The following PCDHA13 variants were observed in gnomAD, a reference collection of about 807,000 sequenced individuals.
The protein encoded by PCDHA13 is protocadherin alpha 13.
PCDHA13 carries 54 observed loss-of-function variants against 64.8 expected under a neutral mutation model. The ratio of observed to expected loss-of-function variants is 0.83; its 90% CI spans 0.67 to 1.04. The LOEUF (loss-of-function observed/expected upper bound fraction) is 1.04, where lower values mean the gene tolerates loss of function less well. Ranked by LOEUF, PCDHA13 falls within the 50% of genes least tolerant of loss-of-function variation. The pLI is 0.00. For missense variants in PCDHA13, 1,248 were observed against 1,254.3 expected (o/e 0.99, Z 0.08); for synonymous variants, 587 against 564.4 (o/e 1.04, Z -0.57).
chr5:140,980,933 C>G (rs1376814777), intron 2 of PCDHA13, among the ~76,000 whole-genome samples: 1 of 152,120 alleles, frequency 6.6e-6, no homozygotes, highest in African/African-American at 2.4e-5. Flanking sequence ...CTGCTTTGAG[C>G]TGAGCTGGCT....
chr5:140,916,210 A>G, intron 1 of PCDHA13, among the ~76,000 whole-genome samples: 1 of 152,210 alleles, frequency 6.6e-6, no homozygotes, highest in East Asian at 1.9e-4. Context: ...GCCCTGGGGA[A>G]GATCCAAATA....
At chr5:140,994,759 G>C (rs1193190612) in intron 3 of PCDHA13, among the ~76,000 whole-genome samples, 3 of 152,130 alleles carry the variant, frequency 2.0e-5, no homozygotes, top group African/African-American at 7.2e-5. Flanking sequence ...ATGTGGAGAG[G>C]AAGAGAATTC....
chr5:140,970,751 T>G (rs2096430046), intron 1 of PCDHA13, among the ~76,000 whole-genome samples: 1 of 152,232 alleles, frequency 6.6e-6, no homozygotes, highest in African/African-American at 2.4e-5. Flanking sequence ...GCAATATATT[T>G]TCATTGACAT....
At chr5:141,006,192 G>A (rs2098259902) in intron 3 of PCDHA13, among the ~76,000 whole-genome samples, 1 of 150,138 alleles carries the variant, frequency 6.7e-6, no homozygotes, top group African/African-American at 2.5e-5. Context: ...TTTGCTATAT[G>A]TATGTTATGC....
intron 1 of PCDHA13, among the ~76,000 whole-genome samples, chr5:140,949,916 A>G (rs1350647225): frequency 6.6e-6 from 1 of 150,834 alleles, no homozygotes; most frequent in African/African-American, 2.4e-5. Flanking sequence ...AGATATAACT[A>G]TTTTTAGATT....
chr5:140,973,606 G>A (rs1554235444), intron 1 of PCDHA13, among the ~76,000 whole-genome samples: 1 of 152,204 alleles, frequency 6.6e-6, no homozygotes, highest in African/African-American at 2.4e-5. Flanking sequence ...TTATGGCTGA[G>A]CTCTTCTCTG....
Position 141,010,653 on chromosome 5 carries a change from A to G in PCDHA13, c.*716A>G. On this transcript the variant is annotated 3_prime_UTR_variant, in exon 4 of 4. Transcript: ENST00000289272. ...TGCAAGCCAACAGTTCAGTGTTTTA[A>G]CAGAGAACCACCCTGGGAAACAGAA... 5.9e-6 allele frequency: 1 copy of G among 170,180 alleles called. No individual in the cohort carries two copies. The highest frequency in any genetic ancestry group is 1.3e-5 in the Non-Finnish European group (1 of 78,244). 10.5% of individuals were successfully genotyped at this position (170,180 alleles called of 1,614,324 possible). A position where few individuals can be genotyped will look rare whatever the true frequency, so the allele number is the denominator to read the frequency against.
chr5:140,978,175 G>A (rs1163383689), intron 1 of PCDHA13, among the ~76,000 whole-genome samples: 1 of 152,170 alleles, frequency 6.6e-6, no homozygotes, highest in Admixed American at 6.5e-5. Context: ...TTTGTAGAGA[G>A]AGGGCAACAG....
chr5:140,884,708 T>C, intron 1 of PCDHA13, 46 bp downstream of exon 1: 1 of 1,479,044 alleles, frequency 6.8e-7, no homozygotes, highest in Non-Finnish European at 9.0e-7. Flanking sequence ...ACTTTAGCCT[T>C]CCTTGCAGTT....
At chr5:140,994,248 G>A (rs188394827) in intron 3 of PCDHA13, among the ~76,000 whole-genome samples, 1 of 152,238 alleles carries the variant, frequency 6.6e-6, no homozygotes, top group East Asian at 1.9e-4. Flanking sequence ...TCAAACCCTA[G>A]GTAAATAAGG....
At chr5:140,917,324 C>CGG (rs1299895515) in intron 1 of PCDHA13, among the ~76,000 whole-genome samples, 73 of 76,040 alleles carry the variant, frequency 9.6e-4, no homozygotes, top group South Asian at 2.7e-3. Flanking sequence ...GTTCATGTGG[C>CGG]GGGGGAGGGG....
At chr5:140,992,023 G>C (rs1415968916) in intron 3 of PCDHA13, among the ~76,000 whole-genome samples, 2 of 148,226 alleles carry the variant, frequency 1.3e-5, no homozygotes, top group African/African-American at 4.9e-5. Flanking sequence ...GGCTCTGTGT[G>C]TGTGTGTGTG....
Position 140,969,604 on chromosome 5 carries a change from AAC to A in PCDHA13, c.2395-9341_2395-9340del. 5.2e-6 allele frequency: 4 copies of A among 765,156 alleles called. No homozygotes were observed. The South Asian group carries it at 6.3e-5, about 12-fold the overall frequency. 47.4% of individuals were successfully genotyped at this position (765,156 alleles called of 1,614,324 possible). A position where few individuals can be genotyped will look rare whatever the true frequency, so the allele number is the denominator to read the frequency against. On this transcript the variant is annotated intron_variant, in intron 1 of 3. Transcript: ENST00000289272. Reference sequence around the variant, plus strand: ...GATTAGTCTTAATATTTAATGCTAAAACACAGATTTGTAGAGAAACAGGACAG... The same window carrying A: ...GATTAGTCTTAATATTTAATGCTAAAACAGATTTGTAGAGAAACAGGACAG...
intron 1 of PCDHA13, among the ~76,000 whole-genome samples, chr5:140,935,104 A>G (rs1233919640): frequency 2.0e-5 from 3 of 152,126 alleles, no homozygotes; most frequent in Non-Finnish European, 4.4e-5. Context: ...GCCATTTTTC[A>G]AAGAGCTTTC....
At chr5:140,952,471 A>G (rs1324501616) in intron 1 of PCDHA13, among the ~76,000 whole-genome samples, 2 of 152,204 alleles carry the variant, frequency 1.3e-5, no homozygotes, top group African/African-American at 2.4e-5. Context: ...AAGCATAAGG[A>G]AAGTGACATT....
chr5:140,929,174 G>C, intron 1 of PCDHA13: 1 of 1,614,140 alleles, frequency 6.2e-7, no homozygotes, highest in South Asian at 1.1e-5. Flanking sequence ...GCCTCTCTGG[G>C]ACTTGGTTCT....
At chr5:140,980,607 C>T (rs1471918192) in intron 2 of PCDHA13, among the ~76,000 whole-genome samples, 5 of 151,334 alleles carry the variant, frequency 3.3e-5, no homozygotes, top group Non-Finnish European at 7.4e-5. Context: ...TCCAGCCTGG[C>T]GACAGTGCGA....
At chr5:140,897,881 C>T (rs1417702752) in intron 1 of PCDHA13, among the ~76,000 whole-genome samples, 1 of 152,194 alleles carries the variant, frequency 6.6e-6, no homozygotes. Context: ...GATTGCCATT[C>T]TAACTGGTGT....
Position 140,978,964 on chromosome 5 carries a change from C to G in PCDHA13, c.2410C>G (p.Pro804Ala). ...GATTTTGCAGCCACGACAGCCCAAC[C>G]CTGACTGGCGTTACTCTGCCTCCCT... ...ECLKEPRQPN[P>A]DWRYSASLRA... is the part of the protein sequence containing the mutation. The change falls in exon 2 of 4, where the codon CCT becomes GCT. Residue 804 changes from proline to alanine, a missense_variant. Transcript: ENST00000289272. 3 of 1,614,122 alleles carry G rather than the reference C, an allele frequency of 1.9e-6. No homozygotes were observed. The highest frequency in any genetic ancestry group is 2.5e-6 in the Non-Finnish European group (3 of 1,180,010).
Sources: allele counts gnomAD v4.1 joint callset (sites outside exome capture counted in the v4.1 genomes callset), GRCh38; gene constraint gnomAD v4.1.1; transcripts MANE v1.5; gene names NCBI Gene and HGNC (gene_info 2026-07-23, HGNC 2026-07-21).